The following ADAMTSL1 variants were observed in gnomAD, a reference collection of about 807,000 sequenced individuals.
The protein encoded by ADAMTSL1 is ADAMTS-like protein 1.
Under a neutral mutation model 201.8 loss-of-function variants are expected in ADAMTSL1, and 126 were observed. The ratio of observed to expected loss-of-function variants is 0.62; its 90% CI spans 0.54 to 0.72. The LOEUF is 0.72. Ranked by LOEUF, ADAMTSL1 falls within the 30% of genes least tolerant of loss-of-function variation. The pLI is 0.00. For missense variants in ADAMTSL1, 2,679 were observed against 2,277.8 expected (o/e 1.18, Z -3.59); for synonymous variants, 1,121 against 903.4 (o/e 1.24, Z -4.32).
At chr9:18,330,680 AC>A (rs1834996626) in intron 2 of ADAMTSL1, among the ~76,000 whole-genome samples, 1 of 152,184 alleles carries the variant, frequency 6.6e-6, no homozygotes. Context: ...AAGTGGCAAA[AC>A]TGGGATCTGA....
chr9:18,751,822 C>T (rs1220016971), intron 15 of ADAMTSL1, among the ~76,000 whole-genome samples: 1 of 152,130 alleles, frequency 6.6e-6, no homozygotes, highest in Non-Finnish European at 1.5e-5. Flanking sequence ...AAAAGATATT[C>T]CAAATTAGAA....
intron 1 of ADAMTSL1, among the ~76,000 whole-genome samples, chr9:18,095,416 C>CTTTT (rs35164794): frequency 0.031 from 3,139 of 99,840 alleles, 140 homozygotes; most frequent in Admixed American, 0.044. Context: ...TTCTTTCTTT[C>CTTTT]TTTTTTTTTT....
At chr9:18,115,024 T>G (rs1177355535) in intron 1 of ADAMTSL1, among the ~76,000 whole-genome samples, 1 of 152,168 alleles carries the variant, frequency 6.6e-6, no homozygotes, top group Non-Finnish European at 1.5e-5. Context: ...TTCAGGGTGT[T>G]TGCCTGGAAG....
rs548193086 is a variant in ADAMTSL1 at position 18,787,150 on chromosome 9, A to C, written c.3678-8247A>C. 2.0e-5 allele frequency among the ~76,000 whole-genome samples: 3 copies of C among 152,304 alleles called. No individual in the cohort carries two copies. The South Asian group carries it at 6.2e-4, about 32-fold the overall frequency. ...AAGATAGGGAAGGAAAAACAAGCCC[A>C]TTTCAGTTTGGTTTGGCTTGTTTCC... On this transcript the variant is annotated intron_variant, in intron 19 of 28. Coordinates refer to ENST00000380548, the MANE Select transcript of ADAMTSL1 (RefSeq NM_001040272.6).
intron 7 of ADAMTSL1, among the ~76,000 whole-genome samples, chr9:18,649,452 A>T (rs1445503084): frequency 6.6e-6 from 1 of 152,188 alleles, no homozygotes; most frequent in Non-Finnish European, 1.5e-5. Context: ...CCTTTGGATG[A>T]GGAGAGGTGC....
At chr9:18,137,865 A>G (rs1273545292) in intron 1 of ADAMTSL1, among the ~76,000 whole-genome samples, 1 of 152,170 alleles carries the variant, frequency 6.6e-6, no homozygotes, top group Non-Finnish European at 1.5e-5. Context: ...GTGTGGCAAG[A>G]GAAACATTCA....
At chr9:18,105,943 G>A (rs1016194154) in intron 1 of ADAMTSL1, among the ~76,000 whole-genome samples, 3 of 152,206 alleles carry the variant, frequency 2.0e-5, no homozygotes, top group African/African-American at 7.2e-5. Flanking sequence ...TTTAGTTACA[G>A]CAGTTGGATG....
chr9:18,491,565 T>C (rs1290867105), intron 1 of ADAMTSL1, among the ~76,000 whole-genome samples: 1 of 152,218 alleles, frequency 6.6e-6, no homozygotes, highest in African/African-American at 2.4e-5. Flanking sequence ...AATCATGTCA[T>C]GTTTCATGTA....
intron 7 of ADAMTSL1, among the ~76,000 whole-genome samples, chr9:18,655,254 C>T (rs147801119): frequency 6.6e-6 from 1 of 152,212 alleles, no homozygotes; most frequent in African/African-American, 2.4e-5. Context: ...CCATAACCCC[C>T]CATACACATT....
At chr9:18,816,782 T>C (rs1053287827) in intron 20 of ADAMTSL1, among the ~76,000 whole-genome samples, 8 of 148,406 alleles carry the variant, frequency 5.4e-5, no homozygotes, top group African/African-American at 2.0e-4. Context: ...TTTAATTTAA[T>C]TTTAAAAAAT....
rs540332301 is a variant in ADAMTSL1, at chr9:18,679,798, T to C, written c.1137-514T>C. Reference sequence around the variant, plus strand: ...GATTGCAGAAGCAAAGGAGAGTCTTTTGTTTACCTTGATCTTTTATGAGCT... The same window carrying C: ...GATTGCAGAAGCAAAGGAGAGTCTTCTGTTTACCTTGATCTTTTATGAGCT... On this transcript the variant is annotated intron_variant, in intron 10 of 28. Coordinates refer to ENST00000380548, the MANE Select transcript of ADAMTSL1 (RefSeq NM_001040272.6). Among the ~76,000 whole-genome samples the C allele has an allele frequency of 1.3e-3, 195 of 151,472 alleles. 2 individuals carry two copies. The highest frequency in any genetic ancestry group is 0.011 in the South Asian group (52 of 4,766).
intron 2 of ADAMTSL1, among the ~76,000 whole-genome samples, chr9:18,359,881 A>G (rs952958743): frequency 8.4e-6 from 1 of 119,170 alleles, no homozygotes; most frequent in Non-Finnish European, 1.6e-5. Flanking sequence ...GATACCTTGG[A>G]CTCAAGTCTT....
intron 23 of ADAMTSL1, among the ~76,000 whole-genome samples, chr9:18,838,374 C>T (rs796447752): frequency 8.9e-6 from 1 of 112,934 alleles, no homozygotes; most frequent in African/African-American, 2.7e-5. Context: ...CACACACACA[C>T]ACACACACAC....
intron 20 of ADAMTSL1, among the ~76,000 whole-genome samples, chr9:18,795,915 G>A (rs1042800128): frequency 6.6e-6 from 1 of 152,174 alleles, no homozygotes; most frequent in Admixed American, 6.5e-5. Flanking sequence ...TGTTCCACCT[G>A]TTGCAAGAAA....
intron 1 of ADAMTSL1, among the ~76,000 whole-genome samples, chr9:17,961,749 T>C (rs1487309857): frequency 1.3e-5 from 2 of 152,172 alleles, no homozygotes; most frequent in African/African-American, 4.8e-5. Flanking sequence ...GGGGACTCCC[T>C]CTCTATTTGC....
In ADAMTSL1 at chr9:18,791,438, C is replaced by T. The variant is rs1822042739; in HGVS notation, c.3678-3959C>T. Reference sequence around the variant, plus strand: ...AAATGGGCCAAATGTACAAAGAACACACTGTGGGCAGCTTTCTAATTACAA... The same window carrying T: ...AAATGGGCCAAATGTACAAAGAACATACTGTGGGCAGCTTTCTAATTACAA... On this transcript the variant is annotated intron_variant, in intron 19 of 28. Coordinates refer to ENST00000380548, the MANE Select transcript of ADAMTSL1 (RefSeq NM_001040272.6). 2.0e-5 allele frequency among the ~76,000 whole-genome samples: 3 copies of T among 152,138 alleles called. No homozygotes were observed. The South Asian group carries it at 6.2e-4, about 32-fold the overall frequency.
chr9:18,221,402 C>T (rs1461361845), intron 2 of ADAMTSL1, among the ~76,000 whole-genome samples: 1 of 152,176 alleles, frequency 6.6e-6, no homozygotes, highest in Non-Finnish European at 1.5e-5. Flanking sequence ...CCACTCTGTT[C>T]TCTTATTCTA....
At chr9:18,678,043 AT>A (rs1830225210) in intron 10 of ADAMTSL1, among the ~76,000 whole-genome samples, 1 of 152,036 alleles carries the variant, frequency 6.6e-6, no homozygotes, top group South Asian at 2.1e-4. Context: ...CAATTAACAT[AT>A]TTTTACCTTG....
intron 4 of ADAMTSL1, among the ~76,000 whole-genome samples, chr9:18,599,535 G>A (rs977874198): frequency 6.6e-6 from 1 of 152,126 alleles, no homozygotes; most frequent in Non-Finnish European, 1.5e-5. Flanking sequence ...GCAGTGGGTA[G>A]GAAGAATGGT....
Sources: allele counts gnomAD v4.1 joint callset (sites outside exome capture counted in the v4.1 genomes callset), GRCh38; gene constraint gnomAD v4.1.1; transcripts MANE v1.5; gene names NCBI Gene and HGNC (gene_info 2026-07-23, HGNC 2026-07-21).